The following CNTN5 variants were observed in gnomAD, a reference collection of about 807,000 sequenced individuals.
CNTN5 encodes the protein contactin-5.
CNTN5 carries 77 observed loss-of-function variants against 129.1 expected under a neutral mutation model. That is an observed-to-expected ratio of 0.60 (90% CI 0.50 to 0.72). The LOEUF is 0.72. CNTN5 is among the 30% of genes least tolerant of loss of function. The pLI is 0.00. For missense variants in CNTN5, 1,478 were observed against 1,328.8 expected (o/e 1.11, Z -1.75); for synonymous variants, 509 against 465.6 (o/e 1.09, Z -1.20).
chr11:99,968,912 T>C (rs1290954044), intron 8 of CNTN5, among the ~76,000 whole-genome samples: 2 of 151,978 alleles, frequency 1.3e-5, no homozygotes, highest in African/African-American at 4.8e-5. Flanking sequence ...ATAGAAAATT[T>C]GGCTTTTGTT....
intron 1 of CNTN5, among the ~76,000 whole-genome samples, chr11:99,125,070 A>G (rs1858554948): frequency 6.6e-6 from 1 of 152,080 alleles, no homozygotes; most frequent in Admixed American, 6.6e-5. Flanking sequence ...TACTGAAACT[A>G]TTACAAAAAA....
chr11:99,677,187 A>G (rs1953324378), intron 3 of CNTN5, among the ~76,000 whole-genome samples: 1 of 152,202 alleles, frequency 6.6e-6, no homozygotes. Context: ...TTGAATTCCA[A>G]AATGAATTAT....
chr11:99,609,765 A>T (rs1416977683), intron 3 of CNTN5, among the ~76,000 whole-genome samples: 1 of 152,148 alleles, frequency 6.6e-6, no homozygotes, highest in Non-Finnish European at 1.5e-5. Context: ...TAGTGGAAAG[A>T]ATATAGACTT....
chr11:99,523,772 C>CATATCTAGG (rs767563437), intron 2 of CNTN5, among the ~76,000 whole-genome samples: 8 of 152,050 alleles, frequency 5.3e-5, no homozygotes, highest in Non-Finnish European at 1.0e-4. Context: ...CTCCCCAGCA[C>CATATCTAGG]ATATCTAGGA....
At chr11:99,547,729 T>G (rs1015728999) in intron 2 of CNTN5, among the ~76,000 whole-genome samples, 1 of 152,216 alleles carries the variant, frequency 6.6e-6, no homozygotes, top group Non-Finnish European at 1.5e-5. Flanking sequence ...TCTTCCATTA[T>G]CTTAACTTTA....
chr11:99,633,399 CAT>C (rs1402842918), intron 3 of CNTN5, among the ~76,000 whole-genome samples: 5 of 152,142 alleles, frequency 3.3e-5, no homozygotes, highest in Admixed American at 6.5e-5. Context: ...ACATTTCTCA[CAT>C]GTCTAATAAA....
chr11:100,234,792 T>TA (rs781363668), intron 16 of CNTN5, among the ~76,000 whole-genome samples: 24,252 of 102,346 alleles, frequency 0.24, 2,759 homozygotes, highest in East Asian at 0.38. Flanking sequence ...TCCCAGAATT[T>TA]AAAAAAAAAA....
intron 1 of CNTN5, among the ~76,000 whole-genome samples, chr11:99,285,286 C>T (rs1214804398): frequency 6.6e-6 from 1 of 152,090 alleles, no homozygotes; most frequent in Non-Finnish European, 1.5e-5. Context: ...ATTTATTTTA[C>T]TTCCTTTAGT....
intron 1 of CNTN5, among the ~76,000 whole-genome samples, chr11:99,297,592 T>C (rs1565471767): frequency 6.6e-6 from 1 of 152,156 alleles, no homozygotes; most frequent in Non-Finnish European, 1.5e-5. Context: ...TTATCATTAG[T>C]AAGTTTTTGC....
intron 3 of CNTN5, among the ~76,000 whole-genome samples, chr11:99,732,815 T>A (rs757835532): frequency 4.6e-5 from 7 of 151,742 alleles, no homozygotes; most frequent in Non-Finnish European, 7.4e-5. Context: ...TATGAAAGAT[T>A]AGTGGGACTG....
chr11:99,248,091 G>A (rs1019722453), intron 1 of CNTN5, among the ~76,000 whole-genome samples: 2 of 152,134 alleles, frequency 1.3e-5, no homozygotes, highest in Non-Finnish European at 2.9e-5. Flanking sequence ...GTGTAAAAGT[G>A]TTCCTATTTC....
intron 18 of CNTN5, among the ~76,000 whole-genome samples, chr11:100,293,519 C>T (rs191893296): frequency 7.8e-4 from 118 of 151,832 alleles, no homozygotes; most frequent in Non-Finnish European, 1.3e-3. Flanking sequence ...AAGACTTCAC[C>T]ACTTTCTCTT....
intron 1 of CNTN5, among the ~76,000 whole-genome samples, chr11:99,179,983 C>A (rs1012808499): frequency 3.7e-4 from 57 of 152,118 alleles, no homozygotes; most frequent in African/African-American, 1.3e-3. Context: ...CTATATCTCC[C>A]TGAACAGCAT....
At chr11:99,948,353 C>T (rs1950599412) in intron 7 of CNTN5, among the ~76,000 whole-genome samples, 1 of 152,270 alleles carries the variant, frequency 6.6e-6, no homozygotes, top group East Asian at 1.9e-4. Flanking sequence ...ACCCAGCAGG[C>T]CACATCCTTA....
At chr11:99,901,732 A>G (rs1279483325) in intron 6 of CNTN5, among the ~76,000 whole-genome samples, 2 of 152,214 alleles carry the variant, frequency 1.3e-5, no homozygotes, top group Non-Finnish European at 2.9e-5. Flanking sequence ...CATGCAATTA[A>G]TATTAGTTTA....
At chr11:99,898,374 G>A (rs1283003177) in intron 6 of CNTN5, among the ~76,000 whole-genome samples, 1 of 152,026 alleles carries the variant, frequency 6.6e-6, no homozygotes, top group Non-Finnish European at 1.5e-5. Context: ...AAATGATTAA[G>A]GTGACATCAC....
chr11:100,329,784 C>G (rs549839993), intron 21 of CNTN5, among the ~76,000 whole-genome samples: 20 of 152,256 alleles, frequency 1.3e-4, no homozygotes, highest in African/African-American at 4.3e-4. Context: ...GAGAGAACAC[C>G]ACATCAAGGG....
At chr11:99,276,723 T>C (rs1863453420) in intron 1 of CNTN5, among the ~76,000 whole-genome samples, 1 of 151,488 alleles carries the variant, frequency 6.6e-6, no homozygotes, top group African/African-American at 2.4e-5. Flanking sequence ...TGAGTGTATT[T>C]TTTTATACAA....
At chr11:99,983,208 G>T (rs1164145465) in intron 8 of CNTN5, among the ~76,000 whole-genome samples, 1 of 152,162 alleles carries the variant, frequency 6.6e-6, no homozygotes, top group African/African-American at 2.4e-5. Flanking sequence ...TTCTAAAGAT[G>T]GAGAGATGAA....
Sources: allele counts gnomAD v4.1 joint callset (sites outside exome capture counted in the v4.1 genomes callset), GRCh38; gene constraint gnomAD v4.1.1; transcripts MANE v1.5; gene names NCBI Gene and HGNC (gene_info 2026-07-23, HGNC 2026-07-21).